ADGRF5: variants seen among roughly 807,000 people sequenced by gnomAD.
The protein encoded by ADGRF5 is G-protein coupled receptor 116.
A neutral mutation model predicts 132.3 loss-of-function variants in ADGRF5; 75 were observed. The ratio of observed to expected loss-of-function variants is 0.57; its 90% CI spans 0.47 to 0.69. The LOEUF is 0.69. Ranked by LOEUF, ADGRF5 falls within the 30% of genes least tolerant of loss-of-function variation. The pLI is 0.00. For missense variants in ADGRF5, 1,516 were observed against 1,630.6 expected, an observed-to-expected ratio of 0.93 and a Z score of 1.21; for synonymous variants, 629 against 597.6, an observed-to-expected ratio of 1.05 and a Z score of -0.77.
chr6:46,922,458 A>G (rs1002959030), upstream of ADGRF5, among the ~76,000 whole-genome samples: 12 of 152,176 alleles, frequency 7.9e-5, no homozygotes, highest in Non-Finnish European at 1.6e-4. Context: ...GTATCAAACT[A>G]TAAATTTAGT....
chr6:46,871,610 T>C (rs1479244012), intron 11 of ADGRF5, among the ~76,000 whole-genome samples: 1 of 152,184 alleles, frequency 6.6e-6, no homozygotes, highest in South Asian at 2.1e-4. Context: ...GGTTCCTTCC[T>C]GGGAACCACT....
chr6:46,883,271 T>C (rs563266180), intron 6 of ADGRF5, among the ~76,000 whole-genome samples: 1 of 152,332 alleles, frequency 6.6e-6, no homozygotes, highest in South Asian at 2.1e-4. Context: ...TTGTAGGCTA[T>C]AGGTTCTTGG....
chr6:46,877,736 T>G (rs220669), intron 10 of ADGRF5, among the ~76,000 whole-genome samples: 2 of 151,622 alleles, frequency 1.3e-5, no homozygotes, highest in African/African-American at 4.9e-5. Flanking sequence ...GGCACAGAGA[T>G]AGAAAATATT....
At chr6:46,952,167 A>G (rs1277422014) in intron 1 of ADGRF5, among the ~76,000 whole-genome samples, 1 of 152,212 alleles carries the variant, frequency 6.6e-6, no homozygotes, top group Non-Finnish European at 1.5e-5. Context: ...CCCAAAGCAC[A>G]GTTCAGCTGT....
Position 46,881,898 on chromosome 6 carries a change from T to C in ADGRF5, c.671+151A>G, listed in dbSNP as rs142055417. ...TCTCTCTTTCTTTTAAACAGGTACA[T>C]CTGTAAGGGGTGAGGTACTTTTTTC... On this transcript the variant is annotated intron_variant, in intron 7 of 20. Coordinates refer to ENST00000283296, the MANE Select transcript of ADGRF5 (RefSeq NM_001098518.2). 3,912 of 718,044 alleles carry C rather than the reference T, an allele frequency of 5.4e-3. 49 individuals are homozygous for C. The highest frequency in any genetic ancestry group is 0.024 in the Middle Eastern group (98 of 4,084). The allele number at this position is 718,044 out of a possible 1,614,324, so 44.5% of individuals were successfully genotyped here. A position where few individuals can be genotyped will look rare whatever the true frequency, so the allele number is the denominator to read the frequency against.
chr6:46,906,264 A>T (rs866923828), intron 2 of ADGRF5, among the ~76,000 whole-genome samples: 1 of 152,212 alleles, frequency 6.6e-6, no homozygotes, highest in African/African-American at 2.4e-5. Context: ...CCCAGTTAAA[A>T]CAAATCCTTT....
At chr6:46,888,098 C>A in intron 4 of ADGRF5, 1 of 437,804 alleles carries the variant, frequency 2.3e-6, no homozygotes, top group Non-Finnish European at 4.2e-6. Flanking sequence ...TGACAAGCAT[C>A]ATACAAACCA....
intron 1 of ADGRF5, among the ~76,000 whole-genome samples, chr6:46,932,247 T>TA (rs1387410021): frequency 6.6e-6 from 1 of 152,128 alleles, no homozygotes; most frequent in Non-Finnish European, 1.5e-5. Flanking sequence ...CCATTAGTTT[T>TA]AAAAAATATT....
chr6:46,865,508 C>G (rs1277762439), intron 13 of ADGRF5, among the ~76,000 whole-genome samples: 1 of 152,206 alleles, frequency 6.6e-6, no homozygotes, highest in Non-Finnish European at 1.5e-5. Context: ...TTATCCTATT[C>G]TGCCTTTACC....
chr6:46,855,266 CCACCA>C (rs1174285286), intron 20 of ADGRF5, among the ~76,000 whole-genome samples: 1 of 152,178 alleles, frequency 6.6e-6, no homozygotes, highest in African/African-American at 2.4e-5. Flanking sequence ...AGCAGCACCA[CCACCA>C]CTACCACTAT....
At chr6:46,882,764 TG>T (rs1772620811) in intron 6 of ADGRF5, among the ~76,000 whole-genome samples, 1 of 152,204 alleles carries the variant, frequency 6.6e-6, no homozygotes, top group Non-Finnish European at 1.5e-5. Context: ...ATGCCAGAAA[TG>T]TAAATCAAAC....
chr6:46,854,759 G>C lies in ADGRF5; in HGVS notation c.3962-688C>G, dbSNP rs570472215. On this transcript the variant is annotated intron_variant, in intron 20 of 20. Coordinates refer to ENST00000283296, the MANE Select transcript of ADGRF5 (RefSeq NM_001098518.2). Reference sequence around the variant, plus strand: ...CACCGCTAACAAGGTTTCCGTCATGGCCTGGGGGGATCTTAGGGGCTGCTG... The same window carrying C: ...CACCGCTAACAAGGTTTCCGTCATGCCCTGGGGGGATCTTAGGGGCTGCTG... The C allele has an allele frequency of 7.8e-5, 101 of 1,287,014 alleles. 2 individuals carry two copies. In the South Asian group the frequency reaches 1.2e-3, roughly 15 times the overall value. The allele number at this position is 1,287,014 out of a possible 1,614,324, so 79.7% of individuals were successfully genotyped here. A position where few individuals can be genotyped will look rare whatever the true frequency, so the allele number is the denominator to read the frequency against.
chr6:46,923,141 G>T (rs1365592424), upstream of ADGRF5, among the ~76,000 whole-genome samples: 3 of 152,156 alleles, frequency 2.0e-5, no homozygotes, highest in South Asian at 2.1e-4. Context: ...TGGCCAGGCT[G>T]GTCTCAAACT....
intron 3 of ADGRF5, among the ~76,000 whole-genome samples, chr6:46,891,065 T>A (rs1383414072): frequency 2.0e-5 from 3 of 152,216 alleles, no homozygotes; most frequent in African/African-American, 7.2e-5. Flanking sequence ...ATTCAGCTTC[T>A]GCAATTAACT....
intron 1 of ADGRF5, among the ~76,000 whole-genome samples, chr6:46,950,996 T>TA (rs971731226): frequency 2.6e-5 from 4 of 152,206 alleles, no homozygotes; most frequent in African/African-American, 4.8e-5. Context: ...TGCCTCTCAT[T>TA]AAAAAAGAAA....
At chr6:46,874,154 A>C (rs965031107) in intron 10 of ADGRF5, among the ~76,000 whole-genome samples, 2 of 152,190 alleles carry the variant, frequency 1.3e-5, no homozygotes, top group Non-Finnish European at 2.9e-5. Flanking sequence ...CATTGCCTAC[A>C]GAATACAGTA....
intron 4 of ADGRF5, among the ~76,000 whole-genome samples, chr6:46,885,905 A>T (rs1435710622): frequency 6.6e-6 from 1 of 152,256 alleles, no homozygotes; most frequent in East Asian, 1.9e-4. Context: ...ACAATGATTT[A>T]AAAAACTCTC....
chr6:46,941,471 AAAAGAAAAGAAAAGAAAGAAAAG>A (rs1325864617), intron 1 of ADGRF5, among the ~76,000 whole-genome samples: 28 of 106,768 alleles, frequency 2.6e-4, no homozygotes, highest in Non-Finnish European at 4.2e-4. Flanking sequence ...GAAAAGAAAG[AAAAGAAAAGAAAAGAAAGAAAAG>A]AAAGGCAGGC....
intron 10 of ADGRF5, among the ~76,000 whole-genome samples, chr6:46,876,340 T>TC (rs1771651843): frequency 6.6e-6 from 1 of 152,250 alleles, no homozygotes; most frequent in Admixed American, 6.5e-5. Context: ...GCCAGGTTTT[T>TC]CACCTTTCGG....
Sources: allele counts gnomAD v4.1 joint callset (sites outside exome capture counted in the v4.1 genomes callset), GRCh38; gene constraint gnomAD v4.1.1; transcripts MANE v1.5; gene names NCBI Gene and HGNC (gene_info 2026-07-23, HGNC 2026-07-21).